ASRGL1: variants seen among roughly 807,000 people sequenced by gnomAD.
The protein encoded by ASRGL1 is isoaspartyl peptidase/L-asparaginase.
A neutral mutation model predicts 22.4 loss-of-function variants in ASRGL1; 16 were observed. The observed-to-expected ratio is 0.71, with a 90% CI of 0.48 to 1.08. The LOEUF (loss-of-function observed/expected upper bound fraction) is 1.08, where lower values mean the gene tolerates loss of function less well. Among genes scored for constraint, ASRGL1 ranks in the 50% least tolerant of loss-of-function variants. ASRGL1 has a pLI of 0.00. For missense variants in ASRGL1, 412 were observed against 410.1 expected (o/e 1.00, Z -0.04); for synonymous variants, 165 against 159.3 (o/e 1.04, Z -0.27).
Position 62,372,262 on chromosome 11 carries a change from C to T in ASRGL1, c.491+15118C>T, listed in dbSNP as rs559360171. 81 of 1,593,404 alleles carry T rather than the reference C, an allele frequency of 5.1e-5. 1 individual carries two copies. The South Asian group carries it at 8.0e-4, about 16-fold the overall frequency. On this transcript the variant is annotated intron_variant, in intron 4 of 6. Transcript: ENST00000415229. Reference sequence around the variant, plus strand: ...GCGCGGAACCACACCTTGGCCTTGACGGAAACGGGCTCCGTGTTTGCGTTT... The same window carrying T: ...GCGCGGAACCACACCTTGGCCTTGATGGAAACGGGCTCCGTGTTTGCGTTT...
chr11:62,389,051 A>T, intron 4 of ASRGL1, 82 bp from the exon 5 acceptor site: 1 of 1,184,922 alleles, frequency 8.4e-7, no homozygotes, highest in Non-Finnish European at 1.2e-6. Context: ...ATGAAACTTT[A>T]AGTGGTTTTA....
chr11:62,366,647 T>TA (rs1946617749), intron 4 of ASRGL1, among the ~76,000 whole-genome samples: 1 of 152,016 alleles, frequency 6.6e-6, no homozygotes, highest in Non-Finnish European at 1.5e-5. Context: ...TTCCCTTTCT[T>TA]ATCAGTCTCA....
rs543167863 is a variant in ASRGL1 at position 62,358,295 on chromosome 11, G to A, written c.491+1151G>A. Among the ~76,000 whole-genome samples the A allele has an allele frequency of 4.2e-4, 64 of 151,336 alleles. 1 individual carries two copies. The South Asian group carries it at 0.01, about 25-fold the overall frequency. ...TGAGGCAGGAGAATCGCTTGAACCC[G>A]GGAGGCAGAGGTTGCGGTGAGCCAA... On this transcript the variant is annotated intron_variant, in intron 4 of 6. Transcript: ENST00000415229.
At chr11:62,359,212 T>C (rs1946375302) in intron 4 of ASRGL1, among the ~76,000 whole-genome samples, 7 of 152,082 alleles carry the variant, frequency 4.6e-5, no homozygotes. Context: ...AGTGGCCACA[T>C]CCACAGTGGA....
downstream of ASRGL1, among the ~76,000 whole-genome samples, chr11:62,396,348 C>A (rs1439628742): frequency 6.7e-6 from 1 of 149,810 alleles, no homozygotes; most frequent in Admixed American, 6.6e-5. Context: ...TCACCCCACC[C>A]CACATCCACA....
intron 3 of ASRGL1, 75 bp downstream of exon 3, chr11:62,356,542 C>A: frequency 6.7e-7 from 1 of 1,500,412 alleles, no homozygotes; most frequent in African/African-American, 1.4e-5. Flanking sequence ...TCCAACTGTG[C>A]AGAAATACTT....
chr11:62,365,880 C>G (rs1260444673), intron 4 of ASRGL1, among the ~76,000 whole-genome samples: 1 of 151,894 alleles, frequency 6.6e-6, no homozygotes, highest in African/African-American at 2.4e-5. Flanking sequence ...TTTAGGTACT[C>G]TTACCACAAA....
chr11:62,378,579 G>T (rs769612690), intron 4 of ASRGL1, among the ~76,000 whole-genome samples: 1 of 152,192 alleles, frequency 6.6e-6, no homozygotes, highest in African/African-American at 2.4e-5. Context: ...TTAAAGGCCA[G>T]TCTTTTGGGA....
At chr11:62,367,253 G>T (rs1323353855) in intron 4 of ASRGL1, among the ~76,000 whole-genome samples, 2 of 151,526 alleles carry the variant, frequency 1.3e-5, no homozygotes, top group Admixed American at 1.3e-4. Flanking sequence ...CAGGAGAATG[G>T]CATGAACCCG....
downstream of ASRGL1, among the ~76,000 whole-genome samples, chr11:62,395,759 C>CTTTTTTT (rs564952668): frequency 3.5e-3 from 253 of 71,940 alleles, 19 homozygotes; most frequent in Non-Finnish European, 5.4e-3. Flanking sequence ...GTAGCTGTTT[C>CTTTTTTT]TTTTTTTTTT....
At chr11:62,394,290 T>C (rs1947404102), downstream of ASRGL1, among the ~76,000 whole-genome samples, 1 of 143,100 alleles carries the variant, frequency 7.0e-6, no homozygotes, top group Non-Finnish European at 1.5e-5. Flanking sequence ...ATATATTGTA[T>C]ATATTATATA....
chr11:62,367,757 C>A (rs1257600148), intron 4 of ASRGL1, among the ~76,000 whole-genome samples: 32 of 151,822 alleles, frequency 2.1e-4, no homozygotes, highest in Admixed American at 2.1e-3. Flanking sequence ...GCCTGGCCAA[C>A]ATAGTAAAAT....
intron 4 of ASRGL1, among the ~76,000 whole-genome samples, chr11:62,379,857 G>A (rs911775523): frequency 1.3e-5 from 2 of 152,120 alleles, no homozygotes; most frequent in Non-Finnish European, 2.9e-5. Flanking sequence ...CAGGGCCTGA[G>A]GCTGGCCCCT....
At position 62,389,244 on chromosome 11, in the gene ASRGL1, G is replaced by A. The variant is rs767383304; in HGVS notation, c.603G>A (p.Pro201=). 8 of 1,613,712 alleles carry A rather than the reference G, an allele frequency of 5.0e-6. No individual in the cohort carries two copies. The African/African-American group carries it at 8.0e-5, about 16-fold the overall frequency. ...NKMVGRVGDS[P]CLGAGGYADN... Reference sequence around the variant, plus strand: ...TGGTCGGCCGCGTTGGGGACTCACCGTGTCTAGGTAGGACCAAGGGATGCC... The same window carrying A: ...TGGTCGGCCGCGTTGGGGACTCACCATGTCTAGGTAGGACCAAGGGATGCC... Residue 201 remains proline, a synonymous_variant, in exon 5 of 7, where the codon CCG becomes CCA. Coordinates refer to ENST00000415229, the MANE Select transcript of ASRGL1 (RefSeq NM_001083926.2).
chr11:62,356,712 A>G (rs982488563), intron 3 of ASRGL1, among the ~76,000 whole-genome samples: 1 of 152,210 alleles, frequency 6.6e-6, no homozygotes, highest in Admixed American at 6.5e-5. Flanking sequence ...CAGACCAGCT[A>G]TTTAATAGCA....
At chr11:62,373,584 A>G (rs1946832573) in intron 4 of ASRGL1, among the ~76,000 whole-genome samples, 1 of 152,248 alleles carries the variant, frequency 6.6e-6, no homozygotes, top group South Asian at 2.1e-4. Context: ...CTCAGAAAAA[A>G]TGTCCCTTAC....
chr11:62,392,437 G>C lies in ASRGL1; in HGVS notation c.*153G>C. ...AATAAGCATCTGAATGTTTGGTTGT[G>C]GGGCGGGTTCTGAAGCGATGAGAGA... On this transcript the variant is annotated 3_prime_UTR_variant, in exon 7 of 7. Transcript: ENST00000415229. The C allele has an allele frequency of 1.1e-6, 1 of 944,072 alleles. No individual in the cohort carries two copies. Among genetic ancestry groups the C allele is most frequent in the Admixed American group, 2.3e-5 (1 of 42,958 alleles). The allele number at this position is 944,072 out of a possible 1,614,324, so 58.5% of individuals were successfully genotyped here.
At chr11:62,373,191 C>T in intron 4 of ASRGL1, 2 of 1,009,384 alleles carry the variant, frequency 2.0e-6, no homozygotes, top group Non-Finnish European at 3.2e-6. Flanking sequence ...CCAGAGACTC[C>T]TCCGACTCCA....
At chr11:62,347,828 G>C (rs1158063333) in intron 2 of ASRGL1, among the ~76,000 whole-genome samples, 2 of 152,152 alleles carry the variant, frequency 1.3e-5, no homozygotes, top group Admixed American at 1.3e-4. Flanking sequence ...TTGGGAGGCT[G>C]AGACAGGAGA....
Sources: gnomAD v4.1 joint callset for allele counts (sites outside exome capture counted in the v4.1 genomes callset) on GRCh38, gnomAD v4.1.1 for gene constraint, MANE v1.5 for transcripts, NCBI Gene and HGNC (gene_info 2026-07-23, HGNC 2026-07-21) for gene names.